The following TMEM143 variants were observed in gnomAD, a reference collection of about 807,000 sequenced individuals.
TMEM143 encodes the protein transmembrane protein 143.
TMEM143 carries 45 observed loss-of-function variants against 40.3 expected under a neutral mutation model. The observed-to-expected ratio is 1.12, with a 90% CI of 0.88 to 1.43. The LOEUF (loss-of-function observed/expected upper bound fraction) is 1.43, where lower values mean the gene tolerates loss of function less well. Among genes scored for constraint, TMEM143 ranks in the 40% most tolerant of loss-of-function variants. The pLI is 0.00. For synonymous variants in TMEM143, 299 were observed against 282.7 expected, an observed-to-expected ratio of 1.06 and a Z score of -0.58; for missense variants, 620 against 613.4, an observed-to-expected ratio of 1.01 and a Z score of -0.11.
At position 48,333,565 on chromosome 19, in the gene TMEM143, G is replaced by A; in HGVS notation, c.1166-132C>T. On this transcript the variant is annotated intron_variant, in intron 7 of 7. Coordinates refer to ENST00000293261, the MANE Select transcript of TMEM143 (RefSeq NM_018273.4). The surrounding 1 kb of genome is among the most constrained non-coding windows in gnomAD (Gnocchi z 4.1). ...GGAGAAGCCTAGGAGTGATCTTGAG[G>A]CTTGGAGGGGAGCGGAACAAGGCCC... 1.7e-6 allele frequency: 1 copy of A among 594,890 alleles called. No homozygotes were observed. The highest frequency in any genetic ancestry group is 2.9e-6 in the Non-Finnish European group (1 of 349,076). 36.9% of individuals were successfully genotyped at this position (594,890 alleles called of 1,614,324 possible). A position where few individuals can be genotyped will look rare whatever the true frequency, so the allele number is the denominator to read the frequency against.
At chr19:48,342,886 C>T in intron 5 of TMEM143, 77 bp from the exon 6 acceptor site, 1 of 1,474,842 alleles carries the variant, frequency 6.8e-7, no homozygotes, top group Non-Finnish European at 9.1e-7. Context: ...CTAGGACGCT[C>T]ACTCTGGCTC....
intron 6 of TMEM143, among the ~76,000 whole-genome samples, chr19:48,339,808 AACCTCCACCTCCCGAG>A (rs1446389390): frequency 6.6e-6 from 1 of 152,150 alleles, no homozygotes; most frequent in East Asian, 1.9e-4. Context: ...AGCTCACTGC[AACCTCCACCTCCCGAG>A]TTCAAGTGAT....
At chr19:48,356,375 C>G (rs1030763779) in intron 3 of TMEM143, among the ~76,000 whole-genome samples, 1 of 150,874 alleles carries the variant, frequency 6.6e-6, no homozygotes, top group Non-Finnish European at 1.5e-5. Flanking sequence ...ATCTGCCAGC[C>G]TTGGCCTCCC....
chr19:48,360,384 C>T (rs762955588), intron 2 of TMEM143: 31 of 498,436 alleles, frequency 6.2e-5, no homozygotes, highest in Admixed American at 1.0e-4. Context: ...TCAAGACCAG[C>T]GTGGCCAACA....
chr19:48,342,146 G>A (rs1969502753), intron 6 of TMEM143, among the ~76,000 whole-genome samples: 1 of 109,036 alleles, frequency 9.2e-6, no homozygotes, highest in South Asian at 3.9e-4. Context: ...AAGAGGAACA[G>A]GAAGGAAGGG....
intron 6 of TMEM143, among the ~76,000 whole-genome samples, chr19:48,335,389 C>T (rs1454369636): frequency 6.6e-6 from 1 of 152,084 alleles, no homozygotes; most frequent in Non-Finnish European, 1.5e-5. Flanking sequence ...CCAGCTTGGG[C>T]AACATGGCAA....
At chr19:48,350,094 G>A (rs537644120) in intron 3 of TMEM143, among the ~76,000 whole-genome samples, 3 of 140,578 alleles carry the variant, frequency 2.1e-5, no homozygotes, top group South Asian at 2.3e-4. Context: ...TCCGCCTCCC[G>A]GGTTCAAGTG....
At position 48,333,496 on chromosome 19, in the gene TMEM143, G is replaced by T; in HGVS notation, c.1166-63C>A. 8.7e-7 allele frequency: 1 copy of T among 1,154,642 alleles called. No homozygotes were observed. The highest frequency in any genetic ancestry group is 1.3e-6 in the Non-Finnish European group (1 of 798,906). The allele number at this position is 1,154,642 out of a possible 1,614,324, so 71.5% of individuals were successfully genotyped here. The stretch of plus-strand genomic sequence containing the variant: ...AGATCGGGGAAGATTCGAGGGAGCA[G>T]CAAGGAGGGGCGTAGGGCAAAGAAC... On this transcript the variant is annotated intron_variant, in intron 7 of 7. Transcript: ENST00000293261. The surrounding 1 kb of genome is among the most constrained non-coding windows in gnomAD (Gnocchi z 4.1).
chr19:48,354,176 C>T (rs1205157146), intron 3 of TMEM143, among the ~76,000 whole-genome samples: 1 of 150,992 alleles, frequency 6.6e-6, no homozygotes, highest in African/African-American at 2.4e-5. Context: ...CCAGATTGGT[C>T]TCGAAATCCT....
At chr19:48,352,936 ATC>A (rs1969809035) in intron 3 of TMEM143, among the ~76,000 whole-genome samples, 1 of 152,064 alleles carries the variant, frequency 6.6e-6, no homozygotes, top group Admixed American at 6.6e-5. Flanking sequence ...TTAAATAATC[ATC>A]TCTCTCTAGA....
chr19:48,352,972 G>A (rs897286244), intron 3 of TMEM143, among the ~76,000 whole-genome samples: 12 of 151,904 alleles, frequency 7.9e-5, no homozygotes, highest in African/African-American at 2.9e-4. Context: ...CAAATACAAT[G>A]AAAACATTAT....
intron 3 of TMEM143, among the ~76,000 whole-genome samples, chr19:48,355,958 C>T (rs1319011001): frequency 6.6e-6 from 1 of 152,150 alleles, no homozygotes; most frequent in African/African-American, 2.4e-5. Flanking sequence ...CCCTGGCCAC[C>T]CAGGCTTACA....
chr19:48,341,118 C>G (rs1969476724), intron 6 of TMEM143, among the ~76,000 whole-genome samples: 1 of 152,220 alleles, frequency 6.6e-6, no homozygotes, highest in African/African-American at 2.4e-5. Context: ...AATGAGCCAG[C>G]AGGTGAATGA....
chr19:48,346,371 G>A (rs1012020651), intron 3 of TMEM143, among the ~76,000 whole-genome samples: 1 of 151,910 alleles, frequency 6.6e-6, no homozygotes, highest in Admixed American at 6.6e-5. Flanking sequence ...TTACAGACAT[G>A]AGCCACTGTG....
chr19:48,340,121 A>ATTTT (rs11369636), intron 6 of TMEM143, among the ~76,000 whole-genome samples: 35 of 98,558 alleles, frequency 3.6e-4, no homozygotes, highest in Non-Finnish European at 4.1e-4. Flanking sequence ...GTCAACTGGG[A>ATTTT]TTTTTTTTTT....
At chr19:48,362,060 G>A (rs568610991) in intron 2 of TMEM143, among the ~76,000 whole-genome samples, 1 of 144,474 alleles carries the variant, frequency 6.9e-6, no homozygotes, top group Admixed American at 6.7e-5. Context: ...ATATTTGTGT[G>A]TGCGTGTATT....
chr19:48,341,974 T>C (rs186409898), intron 6 of TMEM143, among the ~76,000 whole-genome samples: 1 of 149,898 alleles, frequency 6.7e-6, no homozygotes, highest in Non-Finnish European at 1.5e-5. Flanking sequence ...ATGAGAAAAC[T>C]GAGGCTCAGA....
rs1487834376 is a variant in TMEM143 at position 48,333,299 on chromosome 19, G to T, written c.1300C>A (p.Pro434Thr). The T allele has an allele frequency of 6.3e-7, 1 of 1,584,066 alleles. No individual in the cohort carries two copies. Among genetic ancestry groups the T allele is most frequent in the Non-Finnish European group, 8.6e-7 (1 of 1,160,632 alleles). ...LTPSMGLYPPPGFPKLDPVAP... is the reference protein window; with the variant it reads ...LTPSMGLYPPTGFPKLDPVAP... ...ACTGGGTCTAGTTTGGGGAAACCCG[G>T]GGGTGGGTACAATCCCATGCTGGGG... Residue 434 changes from proline (P) to threonine (T), a missense_variant, in exon 8 of 8, where the codon CCG (proline) becomes ACG (threonine). Transcript: ENST00000293261. This position sits in a 1 kb window ranked among gnomAD's most constrained non-coding sequence, Gnocchi z 4.1.
chr19:48,343,190 G>C lies in TMEM143; in HGVS notation c.695+131C>G, dbSNP rs1019822908. On this transcript the variant is annotated intron_variant, in intron 5 of 7. Transcript: ENST00000293261. ...TGAGAAGAAAAGACAGCATTTGGAT[G>C]AGTCACGCCTCCCATTTCTCAACTT... 43 of 1,149,106 alleles carry C rather than the reference G, an allele frequency of 3.7e-5. 1 individual carries two copies. The Admixed American group carries it at 9.8e-4, about 26-fold the overall frequency. The allele number at this position is 1,149,106 out of a possible 1,614,324, so 71.2% of individuals were successfully genotyped here.
Sources: gnomAD v4.1 joint callset for allele counts (sites outside exome capture counted in the v4.1 genomes callset) on GRCh38, gnomAD v4.1.1 for gene constraint, Gnocchi (gnomAD v3.1) non-coding constraint, MANE v1.5 for transcripts, NCBI Gene and HGNC (gene_info 2026-07-23, HGNC 2026-07-21) for gene names.